The following IL1R1 variants were observed in gnomAD, a reference collection of about 807,000 sequenced individuals.
IL1R1 encodes interleukin-1 receptor type 1.
In IL1R1, 22 loss-of-function variants were observed where a neutral mutation model predicts 50.2. The ratio of observed to expected loss-of-function variants is 0.44; its 90% CI spans 0.31 to 0.63. The LOEUF (loss-of-function observed/expected upper bound fraction) is 0.63. Ranked by LOEUF, IL1R1 falls within the 20% of genes least tolerant of loss-of-function variation. The pLI, the probability that IL1R1 is intolerant of heterozygous loss-of-function variation, is 0.07. For synonymous variants in IL1R1, 251 were observed against 236.7 expected (o/e 1.06, Z -0.55); for missense variants, 509 against 676.2 (o/e 0.75, Z 2.74).
intron 1 of IL1R1, among the ~76,000 whole-genome samples, chr2:102,152,205 G>A (rs1683730631): frequency 6.6e-6 from 1 of 151,808 alleles, no homozygotes; most frequent in Non-Finnish European, 1.5e-5. Context: ...GGAAAATGAG[G>A]CCATTAGAAG....
chr2:102,145,657 G>T (rs1303843873), intron 1 of IL1R1, among the ~76,000 whole-genome samples: 5 of 152,214 alleles, frequency 3.3e-5, no homozygotes, highest in African/African-American at 1.2e-4. Flanking sequence ...AATGAGGCTT[G>T]ACATGTGCAG....
chr2:102,134,199 G>A (rs1451302285), intron 1 of IL1R1, among the ~76,000 whole-genome samples: 1 of 152,140 alleles, frequency 6.6e-6, no homozygotes, highest in Non-Finnish European at 1.5e-5. Context: ...TACGTGAAGC[G>A]GTGTTGATGG....
chr2:102,148,769 G>A (rs866204792), intron 1 of IL1R1, among the ~76,000 whole-genome samples: 4 of 151,252 alleles, frequency 2.6e-5, no homozygotes, highest in Admixed American at 6.6e-5. Context: ...CTATGGCTTT[G>A]TAAGTCCCTT....
intron 3 of IL1R1, among the ~76,000 whole-genome samples, chr2:102,164,240 T>C (rs1448459797): frequency 1.3e-5 from 2 of 152,106 alleles, no homozygotes; most frequent in East Asian, 3.9e-4. Context: ...CCTGCAAACT[T>C]TTCTACCCAG....
At chr2:102,154,763 T>C (rs927685640) in intron 2 of IL1R1, among the ~76,000 whole-genome samples, 26 of 152,248 alleles carry the variant, frequency 1.7e-4, no homozygotes, top group Admixed American at 1.6e-3. Flanking sequence ...GCTTAAAACC[T>C]GTACATGCTT....
chr2:102,140,070 CA>C (rs1407348861), upstream of IL1R1, among the ~76,000 whole-genome samples: 2 of 152,128 alleles, frequency 1.3e-5, no homozygotes, highest in Non-Finnish European at 1.5e-5. Context: ...GGAGTGGGAA[CA>C]AAAACAAATA....
At chr2:102,077,862 T>C (rs1369038104) in intron 1 of IL1R1, among the ~76,000 whole-genome samples, 1 of 152,178 alleles carries the variant, frequency 6.6e-6, no homozygotes, top group Non-Finnish European at 1.5e-5. Context: ...AGAGAAATCA[T>C]ACAAAGTATA....
chr2:102,168,710 TAAA>T, intron 7 of IL1R1, 47 bp downstream of exon 7: 1 of 1,241,120 alleles, frequency 8.1e-7, no homozygotes, highest in Non-Finnish European at 1.2e-6. Context: ...TTTTTTTTTT[TAAA>T]ACATAAGAGT....
chr2:102,115,872 T>C (rs1411085326), intron 1 of IL1R1, among the ~76,000 whole-genome samples: 2 of 151,910 alleles, frequency 1.3e-5, no homozygotes, highest in African/African-American at 4.8e-5. Context: ...TTCCAAAAGG[T>C]AGGATCAAGG....
intron 6 of IL1R1, among the ~76,000 whole-genome samples, chr2:102,166,914 T>C (rs1473900175): frequency 6.6e-6 from 1 of 152,192 alleles, no homozygotes; most frequent in Non-Finnish European, 1.5e-5. Context: ...AATTTTCTTG[T>C]GTCTTTCAAT....
intron 1 of IL1R1, among the ~76,000 whole-genome samples, chr2:102,120,253 G>T (rs1681332528): frequency 6.6e-6 from 1 of 152,080 alleles, no homozygotes; most frequent in African/African-American, 2.4e-5. Flanking sequence ...ACGTGTGTGT[G>T]GGTTTTCATG....
At chr2:102,074,198 C>A (rs548377455) in intron 1 of IL1R1, among the ~76,000 whole-genome samples, 61 of 152,280 alleles carry the variant, frequency 4.0e-4, no homozygotes, top group South Asian at 2.7e-3. Context: ...CTTCCCCTAC[C>A]CCCAGTCCAG....
chr2:102,084,076 T>TGCGACTCTGAATCTCTC (rs1553622457), intron 1 of IL1R1, among the ~76,000 whole-genome samples: 318 of 152,280 alleles, frequency 2.1e-3, no homozygotes, highest in Non-Finnish European at 2.8e-3. Flanking sequence ...CTGAATCTCT[T>TGCGACTCTGAATCTCTC]GCGACTCTGA....
chr2:102,149,250 T>C (rs1683435898), intron 1 of IL1R1, among the ~76,000 whole-genome samples: 2 of 152,248 alleles, frequency 1.3e-5, no homozygotes, highest in African/African-American at 4.8e-5. Flanking sequence ...TGAGGGGCTG[T>C]ATTAAATGAT....
intron 7 of IL1R1, among the ~76,000 whole-genome samples, chr2:102,171,502 C>A (rs944549778): frequency 7.2e-5 from 11 of 152,058 alleles, no homozygotes; most frequent in African/African-American, 2.7e-4. Context: ...TGCTAAGCAG[C>A]CATGACAGAG....
At chr2:102,139,329 C>T (rs562441453), upstream of IL1R1, among the ~76,000 whole-genome samples, 2 of 152,344 alleles carry the variant, frequency 1.3e-5, no homozygotes, top group Admixed American at 6.5e-5. Flanking sequence ...GCAGCCTGTC[C>T]TCAGGCCCAG....
chr2:102,103,656 A>G (rs968122899), upstream of IL1R1, among the ~76,000 whole-genome samples: 4 of 152,070 alleles, frequency 2.6e-5, no homozygotes, highest in African/African-American at 9.7e-5. Context: ...TATCATGTTG[A>G]GAATGTTCAT....
At chr2:102,156,807 C>G (rs1158970682) in intron 2 of IL1R1, among the ~76,000 whole-genome samples, 1 of 152,202 alleles carries the variant, frequency 6.6e-6, no homozygotes, top group African/African-American at 2.4e-5. Context: ...ACCACCACAC[C>G]TGACCATAAT....
intron 1 of IL1R1, among the ~76,000 whole-genome samples, chr2:102,072,127 G>T (rs1577776228): frequency 6.6e-6 from 1 of 151,730 alleles, no homozygotes; most frequent in African/African-American, 2.4e-5. Flanking sequence ...GGGCATGGTG[G>T]CCTGTGCCTG....
Sources: gnomAD v4.1 joint callset for allele counts (sites outside exome capture counted in the v4.1 genomes callset) on GRCh38, gnomAD v4.1.1 for gene constraint, MANE v1.5 for transcripts, NCBI Gene and HGNC (gene_info 2026-07-23, HGNC 2026-07-21) for gene names.